The following EML4 variants were observed in gnomAD, a reference collection of about 807,000 sequenced individuals.
EML4 encodes the protein EMAP like 4, also known as echinoderm microtubule-associated protein-like 4.
In EML4, 72 loss-of-function variants were observed where a neutral mutation model predicts 129.0. The observed-to-expected ratio is 0.56, with a 90% confidence interval of 0.46 to 0.68. EML4 has a LOEUF of 0.68. Among genes scored for constraint, EML4 ranks in the 30% least tolerant of loss-of-function variants. The pLI is 0.00. For synonymous variants in EML4, 532 were observed against 405.0 expected (o/e 1.31, Z -3.77); for missense variants, 1,363 against 1,190.6 (o/e 1.14, Z -2.13).
chr2:42,170,553 G>C (rs1182547960), intron 1 of EML4, among the ~76,000 whole-genome samples: 2 of 152,190 alleles, frequency 1.3e-5, no homozygotes, highest in Non-Finnish European at 2.9e-5. Flanking sequence ...CTTCTGGCTA[G>C]GAAAATCAAA....
At chr2:42,247,436 C>G (rs1675481714) in intron 2 of EML4, among the ~76,000 whole-genome samples, 1 of 152,062 alleles carries the variant, frequency 6.6e-6, no homozygotes, top group African/African-American at 2.4e-5. Context: ...AGGTGAGTAT[C>G]ATTCTGCCCG....
intron 2 of EML4, among the ~76,000 whole-genome samples, chr2:42,251,254 C>A (rs1433489172): frequency 1.3e-5 from 2 of 152,118 alleles, no homozygotes. Context: ...ATCTAACAAA[C>A]CTAAACATAG....
chr2:42,220,618 C>A (rs1673526743), intron 1 of EML4, among the ~76,000 whole-genome samples: 1 of 152,056 alleles, frequency 6.6e-6, no homozygotes, highest in Admixed American at 6.5e-5. Context: ...TACAATGGTT[C>A]TTAAGTGTTC....
chr2:42,212,531 G>A (rs906050015), intron 1 of EML4, among the ~76,000 whole-genome samples: 1 of 151,734 alleles, frequency 6.6e-6, no homozygotes, highest in African/African-American at 2.4e-5. Flanking sequence ...TTTTGTTAAT[G>A]TTTGAGACCA....
At chr2:42,268,407 C>A (rs1054086537) in intron 6 of EML4, among the ~76,000 whole-genome samples, 4 of 152,054 alleles carry the variant, frequency 2.6e-5, no homozygotes, top group African/African-American at 7.2e-5. Flanking sequence ...CCCATGGAAA[C>A]CAAGGGACCA....
At chr2:42,180,569 C>G (rs1306513497) in intron 1 of EML4, among the ~76,000 whole-genome samples, 1 of 152,164 alleles carries the variant, frequency 6.6e-6, no homozygotes, top group Non-Finnish European at 1.5e-5. Context: ...GCAACCTTTA[C>G]CTAGCCCAAG....
chr2:42,171,141 A>G (rs1425443476), intron 1 of EML4, among the ~76,000 whole-genome samples: 1 of 152,212 alleles, frequency 6.6e-6, no homozygotes, highest in African/African-American at 2.4e-5. Flanking sequence ...TTAGAGAGAC[A>G]TCCATTTTTC....
intron 3 of EML4, among the ~76,000 whole-genome samples, chr2:42,260,528 T>G (rs527593608): frequency 1.3e-5 from 2 of 149,310 alleles, no homozygotes; most frequent in South Asian, 4.3e-4. Context: ...TTTTGATAAC[T>G]CATTTTTTTT....
Position 42,261,265 on chromosome 2 carries a change from A to G in EML4, c.483A>G (p.Pro161=). 1.2e-6 allele frequency: 2 copies of G among 1,613,780 alleles called. No homozygotes were observed. The highest frequency in any genetic ancestry group is 1.7e-6 in the Non-Finnish European group (2 of 1,179,772). ...SQPLQIHRQT[P]ESKNATPTKS... ...CTCTCCAAATACACAGACAAACTCC[A>G]GAAAGCAAGAATGCTACTCCCACCA... The change falls in exon 4 of 23, where the codon CCA becomes CCG. Residue 161 remains proline, a synonymous_variant. Coordinates refer to ENST00000318522, the MANE Select transcript of EML4 (RefSeq NM_019063.5).
intron 1 of EML4, among the ~76,000 whole-genome samples, chr2:42,238,767 G>A (rs1266282127): frequency 1.3e-5 from 2 of 152,158 alleles, no homozygotes; most frequent in Admixed American, 1.3e-4. Context: ...ACCACACCTG[G>A]CTAACTTTTA....
At chr2:42,259,694 CTCTT>C (rs977328455) in intron 3 of EML4, among the ~76,000 whole-genome samples, 7 of 148,244 alleles carry the variant, frequency 4.7e-5, no homozygotes, top group Admixed American at 1.3e-4. Context: ...GAACGCATCT[CTCTT>C]TCTATGATTT....
At chr2:42,243,997 G>A (rs1178252853) in intron 1 of EML4, among the ~76,000 whole-genome samples, 1 of 101,180 alleles carries the variant, frequency 9.9e-6, no homozygotes, top group African/African-American at 4.2e-5. Flanking sequence ...TAAGCCAACG[G>A]TGTTTTTAAC....
chr2:42,269,991 G>C (rs1666277431), intron 6 of EML4, among the ~76,000 whole-genome samples: 1 of 152,150 alleles, frequency 6.6e-6, no homozygotes, highest in Admixed American at 6.6e-5. Context: ...TACACTATGA[G>C]TTAGATAACT....
chr2:42,314,633 C>G (rs1373135721), intron 17 of EML4, among the ~76,000 whole-genome samples: 1 of 152,158 alleles, frequency 6.6e-6, no homozygotes, highest in African/African-American at 2.4e-5. Context: ...TGGTTTTTGT[C>G]ATGTTCAAGA....
rs73930895 is a variant in EML4 at position 42,197,967 on chromosome 2, C to T, written c.25+28331C>T. The stretch of plus-strand genomic sequence containing the variant: ...GAGTCACAGTGCCTACGTGTACATC[C>T]TGGCACCTGCAATTACTAGTTTGTA... On this transcript the variant is annotated intron_variant, in intron 1 of 22. Coordinates refer to ENST00000318522, the MANE Select transcript of EML4 (RefSeq NM_019063.5). Among the ~76,000 whole-genome samples the T allele has an allele frequency of 5.4e-3, 823 of 152,298 alleles. 11 individuals are homozygous for T. The highest frequency in any genetic ancestry group is 0.019 in the African/African-American group (781 of 41,550).
chr2:42,208,858 G>C (rs1220994637), intron 1 of EML4, among the ~76,000 whole-genome samples: 1 of 150,146 alleles, frequency 6.7e-6, no homozygotes, highest in African/African-American at 2.5e-5. Flanking sequence ...AAATTATTAT[G>C]AAATGGACAT....
At chr2:42,205,616 G>A (rs1243270769) in intron 1 of EML4, among the ~76,000 whole-genome samples, 1 of 152,134 alleles carries the variant, frequency 6.6e-6, no homozygotes, top group Non-Finnish European at 1.5e-5. Context: ...AGATCTGTTA[G>A]TGCAAAAAGA....
intron 6 of EML4, among the ~76,000 whole-genome samples, chr2:42,272,294 A>G (rs1253288276): frequency 6.6e-6 from 1 of 152,110 alleles, no homozygotes; most frequent in Non-Finnish European, 1.5e-5. Flanking sequence ...CCTGAACTAC[A>G]CTCACAATTC....
At position 42,245,680 on chromosome 2, in the gene EML4, A is replaced by G. The variant is rs747013275; in HGVS notation, c.201A>G (p.Ser67=). ...DHVASVKKSV[S]SKGQPSPRAV... is the part of the protein sequence containing the mutation. ...TGGCCTCAGTGAAAAAATCAGTCTC[A>G]AGTAAAGGTAATTGTGTTGTAAAGT... The change falls in exon 2 of 23, where the codon TCA becomes TCG. Residue 67 remains serine, a synonymous_variant. Transcript: ENST00000318522. 1.9e-6 allele frequency: 3 copies of G among 1,606,172 alleles called. No individual in the cohort carries two copies. Among genetic ancestry groups the G allele is most frequent in the East Asian group, 4.5e-5 (2 of 44,604 alleles).
Sources: allele counts gnomAD v4.1 joint callset (sites outside exome capture counted in the v4.1 genomes callset), GRCh38; gene constraint gnomAD v4.1.1; transcripts MANE v1.5; gene names NCBI Gene and HGNC (gene_info 2026-07-23, HGNC 2026-07-21).